Variants in IMPA2 observed in about 807,000 individuals in gnomAD.
IMPA2 encodes inositol monophosphatase 2.
Under a neutral mutation model 35.1 loss-of-function variants are expected in IMPA2, and 32 were observed. The observed-to-expected ratio is 0.91, with a 90% CI of 0.69 to 1.23. The LOEUF is 1.23. IMPA2 is among the 50% of genes most tolerant of loss of function. The probability of loss-of-function intolerance (pLI) is 0.00; values close to 1 mark genes in which losing one functional copy is unlikely to be tolerated. For synonymous variants in IMPA2, 135 were observed against 160.6 expected (o/e 0.84, Z 1.20); for missense variants, 334 against 387.6 (o/e 0.86, Z 1.16).
At chr18:11,995,201 C>G (rs1906926420) in intron 1 of IMPA2, among the ~76,000 whole-genome samples, 1 of 152,214 alleles carries the variant, frequency 6.6e-6, no homozygotes, top group Non-Finnish European at 1.5e-5. Flanking sequence ...CAAAGTCATC[C>G]AGGGATCCAG....
intron 2 of IMPA2, among the ~76,000 whole-genome samples, chr18:12,000,615 A>ATTTTT (rs367586917): frequency 2.5e-5 from 3 of 118,206 alleles, no homozygotes; most frequent in Non-Finnish European, 3.4e-5. Context: ...AGTGTTTGTG[A>ATTTTT]TTTTTTTTTT....
At chr18:12,007,670 T>TC (rs1555645773) in intron 2 of IMPA2, among the ~76,000 whole-genome samples, 105 of 97,976 alleles carry the variant, frequency 1.1e-3, no homozygotes, top group Middle Eastern at 4.4e-3. Flanking sequence ...TTTCTTTCTT[T>TC]CTTTCTTTCC....
rs1906809130 is a variant in IMPA2 at position 11,991,390 on chromosome 18, C to T, written c.97-7664C>T. Among the ~76,000 whole-genome samples the T allele has an allele frequency of 6.6e-6, 1 of 152,072 alleles. No individual in the cohort carries two copies. Among genetic ancestry groups the T allele is most frequent in the Admixed American group, 6.6e-5 (1 of 15,266 alleles). ...GAGCCACGTCTGCTTGGACCAGCTC[C>T]TCCTCTTCCTCCCAGGGTTGAGGTT... On this transcript the variant is annotated intron_variant, in intron 1 of 7. Coordinates refer to ENST00000269159, the MANE Select transcript of IMPA2 (RefSeq NM_014214.3). This position sits in a 1 kb window ranked among gnomAD's most constrained non-coding sequence, Gnocchi z 4.1.
chr18:11,990,534 T>TG (rs1185281129), intron 1 of IMPA2, among the ~76,000 whole-genome samples: 4 of 151,688 alleles, frequency 2.6e-5, no homozygotes, highest in Admixed American at 6.6e-5. Flanking sequence ...GGTCAGGACT[T>TG]GGGGGCCCCG....
chr18:12,021,791 T>C (rs943162279), intron 5 of IMPA2: 1 of 152,240 alleles, frequency 6.6e-6, no homozygotes. Flanking sequence ...GTGCTGGGAT[T>C]ACAGGCATGA....
At chr18:11,985,349 T>G (rs1180495628) in intron 1 of IMPA2, among the ~76,000 whole-genome samples, 1 of 152,230 alleles carries the variant, frequency 6.6e-6, no homozygotes, top group Non-Finnish European at 1.5e-5. Context: ...TTTTCTGGTT[T>G]CATACTGTTT....
intron 1 of IMPA2, 95 bp from the exon 2 acceptor site, chr18:11,998,959 G>A: frequency 5.1e-6 from 1 of 194,948 alleles, no homozygotes; most frequent in Non-Finnish European, 8.7e-6. Flanking sequence ...CCAATGGCAG[G>A]CTGAATACAG....
intron 5 of IMPA2, among the ~76,000 whole-genome samples, chr18:12,020,116 T>C (rs751385835): frequency 2.0e-5 from 3 of 152,080 alleles, no homozygotes; most frequent in Non-Finnish European, 4.4e-5. Context: ...CCTCAGGTGA[T>C]CCACACGCTT....
chr18:11,981,530 TG>T lies in IMPA2; in HGVS notation c.-137del, dbSNP rs1906494878. On this transcript the variant is annotated 5_prime_UTR_variant, in exon 1 of 8. Coordinates refer to ENST00000269159, the MANE Select transcript of IMPA2 (RefSeq NM_014214.3). ...GCTGCCCTTCCCGCCAGCGCAGGTG[TG>T]GGACGGGCGGCGGACTAGGCACAGA... 1 of 494,430 alleles carries T rather than the reference TG, an allele frequency of 2.0e-6. No homozygotes were observed. The highest frequency in any genetic ancestry group is 3.1e-6 in the Non-Finnish European group (1 of 317,908). The allele number at this position is 494,430 out of a possible 1,614,324, so 30.6% of individuals were successfully genotyped here.
At chr18:12,028,493 C>T in intron 6 of IMPA2, 1 of 434,024 alleles carries the variant, frequency 2.3e-6, no homozygotes, top group East Asian at 3.8e-5. Flanking sequence ...TCCTCTTTGT[C>T]TCTTGCCTTC....
chr18:11,986,028 G>A (rs1239567504), intron 1 of IMPA2, among the ~76,000 whole-genome samples: 1 of 152,196 alleles, frequency 6.6e-6, no homozygotes, highest in Admixed American at 6.5e-5. Context: ...GCAGGCAAGT[G>A]GGGGCCTTGA....
chr18:12,006,565 C>T (rs1417437146), intron 2 of IMPA2, among the ~76,000 whole-genome samples: 1 of 152,214 alleles, frequency 6.6e-6, no homozygotes, highest in Non-Finnish European at 1.5e-5. Flanking sequence ...GTGCTCCTGG[C>T]TTGACTTGAC....
chr18:12,022,986 G>A (rs1444548055), intron 5 of IMPA2, among the ~76,000 whole-genome samples: 1 of 136,414 alleles, frequency 7.3e-6, no homozygotes, highest in African/African-American at 2.7e-5. Flanking sequence ...GTAGTGACAG[G>A]GTTTCCCTGT....
chr18:12,024,773 A>C (rs112514322), intron 5 of IMPA2, among the ~76,000 whole-genome samples: 1 of 149,496 alleles, frequency 6.7e-6, no homozygotes, highest in Non-Finnish European at 1.5e-5. Context: ...TGTTTTTTAG[A>C]GTAACGGTTT....
intron 2 of IMPA2, among the ~76,000 whole-genome samples, chr18:12,000,334 C>CTTTTTTTTTTT (rs533943091): frequency 9.0e-6 from 1 of 111,266 alleles, no homozygotes; most frequent in Non-Finnish European, 1.9e-5. Flanking sequence ...CCACCTGGCT[C>CTTTTTTTTTTT]TTTTTTTTTT....
At chr18:11,993,719 T>G (rs981304666) in intron 1 of IMPA2, among the ~76,000 whole-genome samples, 4 of 151,462 alleles carry the variant, frequency 2.6e-5, no homozygotes, top group African/African-American at 9.7e-5. Context: ...TGTGCTGGAG[T>G]AGATGGAGGC....
At chr18:12,007,631 C>CTT (rs1314801924) in intron 2 of IMPA2, among the ~76,000 whole-genome samples, 7 of 28,506 alleles carry the variant, frequency 2.5e-4, no homozygotes, top group East Asian at 1.3e-3. Context: ...TTTCTTTCTT[C>CTT]TTTCTTTCTT....
At chr18:12,028,813 T>C (rs149833186) in intron 6 of IMPA2, 29 bp from the exon 7 acceptor site, 22,380 of 1,609,332 alleles carry the variant, frequency 0.014, 215 homozygotes, top group Non-Finnish European at 0.016. Context: ...CACTCCCGCC[T>C]GCATCTGTCC....
In IMPA2 at chr18:12,007,649, T is replaced by TTCTTTCTTTCTTTCTTTC. The variant is rs1568032902; in HGVS notation, c.231-2232_231-2215dup. Among the ~76,000 whole-genome samples the TTCTTTCTTTCTTTCTTTC allele has an allele frequency of 2.8e-5, 3 of 106,832 alleles. No individual in the cohort carries two copies. The East Asian group carries it at 8.1e-4, about 29-fold the overall frequency. The allele number at this position is 106,832 out of a possible 152,430, so 70.1% of individuals were successfully genotyped here. ...CTTTCTTCTTTCTTTCTTTCTTTCT[T>TTCTTTCTTTCTTTCTTTC]TCTTTCTTTCTTTCTTTCTTTCTTT... On this transcript the variant is annotated intron_variant, in intron 2 of 7. Coordinates refer to ENST00000269159, the MANE Select transcript of IMPA2 (RefSeq NM_014214.3).
Sources: gnomAD v4.1 joint callset for allele counts (sites outside exome capture counted in the v4.1 genomes callset) on GRCh38, gnomAD v4.1.1 for gene constraint, Gnocchi (gnomAD v3.1) non-coding constraint, MANE v1.5 for transcripts, NCBI Gene and HGNC (gene_info 2026-07-23, HGNC 2026-07-21) for gene names.